Variants in KCNH7 observed in about 807,000 individuals in gnomAD.
The protein encoded by KCNH7 is potassium voltage-gated channel subfamily H member 7, also known as voltage-gated inwardly rectifying potassium channel KCNH7.
KCNH7 carries 49 observed loss-of-function variants against 120.8 expected under a neutral mutation model. The ratio of observed to expected loss-of-function variants is 0.41; its 90% confidence interval spans 0.32 to 0.51. The LOEUF is 0.51. KCNH7 is among the 20% of genes least tolerant of loss of function. KCNH7 has a pLI of 0.38. For synonymous variants in KCNH7, 547 were observed against 516.1 expected (o/e 1.06, Z -0.81); for missense variants, 1,097 against 1,446.6 (o/e 0.76, Z 3.92).
chr2:162,376,847 A>C (rs1433439218), intron 14 of KCNH7, among the ~76,000 whole-genome samples: 1 of 152,190 alleles, frequency 6.6e-6, no homozygotes, highest in African/African-American at 2.4e-5. Context: ...ACCTAAATAG[A>C]TGTATCTGCA....
At chr2:162,790,185 C>G (rs925567088) in intron 2 of KCNH7, among the ~76,000 whole-genome samples, 11 of 151,292 alleles carry the variant, frequency 7.3e-5, no homozygotes, top group Admixed American at 4.6e-4. Flanking sequence ...TAAAGAATTA[C>G]AGGATACTAT....
intron 2 of KCNH7, among the ~76,000 whole-genome samples, chr2:162,679,353 G>A (rs561294462): frequency 6.6e-6 from 1 of 151,684 alleles, no homozygotes; most frequent in East Asian, 1.9e-4. Context: ...ATATGTTTGT[G>A]TGTATTTAAT....
chr2:162,481,657 T>C (rs1689933009), intron 6 of KCNH7, among the ~76,000 whole-genome samples: 1 of 152,170 alleles, frequency 6.6e-6, no homozygotes, highest in African/African-American at 2.4e-5. Context: ...TTATTTGGCT[T>C]GCCTGGAACT....
chr2:162,686,427 T>A (rs1032407720), intron 2 of KCNH7, among the ~76,000 whole-genome samples: 1 of 152,132 alleles, frequency 6.6e-6, no homozygotes, highest in East Asian at 1.9e-4. Context: ...GACTAGCCAG[T>A]GCAAACCATA....
chr2:162,460,565 G>A (rs1689115449), intron 6 of KCNH7, among the ~76,000 whole-genome samples: 1 of 152,136 alleles, frequency 6.6e-6, no homozygotes. Context: ...GCAGGAATTG[G>A]AGTGATGTGT....
rs146305715 is a variant in KCNH7, at chr2:162,517,815, A to G, written c.807T>C (p.Ser269=). The G allele has an allele frequency of 8.7e-6, 14 of 1,611,950 alleles. No individual in the cohort carries two copies. The highest frequency in any genetic ancestry group is 6.8e-6 in the Non-Finnish European group (8 of 1,178,578). ...CATGGACCGAAGATGCTCTCCGTAT[A>G]CTACATAAGCTTTCCCTTGATCTGG... ...SHSRSRESLC[S]IRRASSVHDI... The change falls in exon 4 of 16, where the codon AGT becomes AGC. Residue 269 remains serine, a synonymous_variant. Transcript: ENST00000332142.
chr2:162,503,096 G>A (rs1289143216), intron 6 of KCNH7, among the ~76,000 whole-genome samples: 1 of 151,948 alleles, frequency 6.6e-6, no homozygotes, highest in Non-Finnish European at 1.5e-5. Flanking sequence ...GCTTTAGATG[G>A]GGCCTGCACT....
intron 2 of KCNH7, among the ~76,000 whole-genome samples, chr2:162,696,149 G>T (rs1273003497): frequency 6.6e-6 from 1 of 152,088 alleles, no homozygotes; most frequent in Admixed American, 6.6e-5. Context: ...TTGCTTACTT[G>T]TAAAACTAAG....
At chr2:162,522,002 A>T (rs1049519732) in intron 3 of KCNH7, among the ~76,000 whole-genome samples, 3 of 151,888 alleles carry the variant, frequency 2.0e-5, no homozygotes, top group Non-Finnish European at 4.4e-5. Flanking sequence ...CCACGAGTAC[A>T]TTCAACATTA....
chr2:162,820,198 C>T (rs1685064061), intron 2 of KCNH7, among the ~76,000 whole-genome samples: 1 of 74,990 alleles, frequency 1.3e-5, no homozygotes, highest in Non-Finnish European at 3.2e-5. Context: ...CAGCACCACG[C>T]CCGGCTAATT....
In KCNH7 at chr2:162,725,903, G is replaced by A. The variant is rs564575036; in HGVS notation, c.307+110634C>T. On this transcript the variant is annotated intron_variant, in intron 2 of 15. Transcript: ENST00000332142. ...TTTTTCATAGCAAATTCCAGATACC[G>A]TATCATGTCATCTGCACATATTTCA... is the stretch of plus-strand genomic sequence containing the variant. Among the ~76,000 whole-genome samples the A allele has an allele frequency of 2.3e-4, 35 of 152,160 alleles. 1 individual carries two copies. The South Asian group carries it at 5.6e-3, about 24-fold the overall frequency.
intron 2 of KCNH7, among the ~76,000 whole-genome samples, chr2:162,786,242 C>CAAAA (rs68194654): frequency 1.4e-5 from 1 of 72,084 alleles, no homozygotes; most frequent in Non-Finnish European, 3.1e-5. Context: ...GAATCCGTCT[C>CAAAA]AAAAAAAAAA....
At chr2:162,578,621 G>T (rs1693764171) in intron 2 of KCNH7, among the ~76,000 whole-genome samples, 1 of 152,024 alleles carries the variant, frequency 6.6e-6, no homozygotes, top group African/African-American at 2.4e-5. Context: ...ACAGAAAACT[G>T]GAGTACTTTG....
At chr2:162,819,969 T>C (rs913127658) in intron 2 of KCNH7, among the ~76,000 whole-genome samples, 1 of 151,816 alleles carries the variant, frequency 6.6e-6, no homozygotes, top group Non-Finnish European at 1.5e-5. Flanking sequence ...TAATGCAATG[T>C]CCATCCCCAC....
chr2:162,396,039 A>T (rs1450211142), intron 11 of KCNH7, among the ~76,000 whole-genome samples: 1 of 151,746 alleles, frequency 6.6e-6, no homozygotes, highest in Non-Finnish European at 1.5e-5. Context: ...CTAGTAATAA[A>T]TTTTTGGTTA....
intron 2 of KCNH7, among the ~76,000 whole-genome samples, chr2:162,767,676 C>G (rs192711049): frequency 1.4e-3 from 216 of 152,104 alleles, no homozygotes; most frequent in African/African-American, 4.8e-3. Flanking sequence ...TATACTATAA[C>G]TGCATAAATA....
At chr2:162,518,909 T>C (rs1195995457) in intron 3 of KCNH7, among the ~76,000 whole-genome samples, 1 of 151,170 alleles carries the variant, frequency 6.6e-6, no homozygotes, top group Non-Finnish European at 1.5e-5. Flanking sequence ...AATACAAACT[T>C]TAAAGAGCAG....
At chr2:162,752,946 AAG>A (rs1688630255) in intron 2 of KCNH7, among the ~76,000 whole-genome samples, 9 of 105,018 alleles carry the variant, frequency 8.6e-5, no homozygotes, top group Non-Finnish European at 1.2e-4. Context: ...AAGAAAAGAA[AAG>A]AAAAGAAAAG....
chr2:162,391,905 C>A (rs942900538), intron 12 of KCNH7, among the ~76,000 whole-genome samples: 1 of 151,918 alleles, frequency 6.6e-6, no homozygotes, highest in African/African-American at 2.4e-5. Flanking sequence ...AGTAGTGGTT[C>A]TGATTTTAGA....
Sources: allele counts gnomAD v4.1 joint callset (sites outside exome capture counted in the v4.1 genomes callset), GRCh38; gene constraint gnomAD v4.1.1; transcripts MANE v1.5; gene names NCBI Gene and HGNC (gene_info 2026-07-23, HGNC 2026-07-21).